PCLO: variants seen among roughly 807,000 people sequenced by gnomAD.
PCLO encodes the protein protein piccolo.
Under a neutral mutation model 427.5 loss-of-function variants are expected in PCLO, and 82 were observed. That is an observed-to-expected ratio of 0.19 (90% CI 0.16 to 0.23). The LOEUF (loss-of-function observed/expected upper bound fraction) is 0.23, where lower values mean the gene tolerates loss of function less well. Among genes scored for constraint, PCLO ranks in the 10% least tolerant of loss-of-function variants. The pLI, the probability that PCLO is intolerant of heterozygous loss-of-function variation, is 1.00. For synonymous variants in PCLO, 2,357 were observed against 2,155.4 expected (o/e 1.09, Z -2.59); for missense variants, 6,239 against 6,115.9 (o/e 1.02, Z -0.67).
rs1252822043 is a variant in PCLO, at chr7:82,755,581, C to T, written c.*2994G>A. 6.6e-6 allele frequency: 1 copy of T among 151,954 alleles called. No homozygotes were observed. The highest frequency in any genetic ancestry group is 2.4e-5 in the African/African-American group (1 of 41,364). The allele number at this position is 151,954 out of a possible 1,614,324, so 9.4% of individuals were successfully genotyped here. ...TGAAATTGTGGGAAAAACTGAGATG[C>T]TCTTCAAGGTAAAAGTGCTGTAATT... On this transcript the variant is annotated 3_prime_UTR_variant, in exon 25 of 25. Coordinates refer to ENST00000333891, the MANE Select transcript of PCLO (RefSeq NM_033026.6).
intron 3 of PCLO, among the ~76,000 whole-genome samples, chr7:83,015,834 T>G (rs753037048): frequency 6.6e-6 from 1 of 152,148 alleles, no homozygotes. Context: ...TTAGAAAAGG[T>G]CCTAGAATGT....
rs577906778 is a variant in PCLO at position 82,873,784 on chromosome 7, C to T, written c.13654+5553G>A. Among the ~76,000 whole-genome samples the T allele has an allele frequency of 9.9e-5, 15 of 151,854 alleles. No homozygotes were observed. In the South Asian group the frequency reaches 2.9e-3, roughly 30 times the overall value. The stretch of plus-strand genomic sequence containing the variant: ...AGAGAAAAATCTCCTCATACTCAGT[C>T]ACTGCACAGGAAGATGGTCCTGTAG... On this transcript the variant is annotated intron_variant, in intron 10 of 24. Coordinates refer to ENST00000333891, the MANE Select transcript of PCLO (RefSeq NM_033026.6).
intron 6 of PCLO, among the ~76,000 whole-genome samples, chr7:82,931,136 A>G (rs1794830375): frequency 6.6e-6 from 1 of 152,172 alleles, no homozygotes; most frequent in Admixed American, 6.6e-5. Context: ...TTTTACTTAT[A>G]TTAACTTATT....
In PCLO at chr7:83,082,136, C is replaced by G. The variant is rs999280716; in HGVS notation, c.3300+52114G>C. On this transcript the variant is annotated intron_variant, in intron 3 of 24. Transcript: ENST00000333891. The stretch of plus-strand genomic sequence containing the variant: ...TACTATACACACACACACACACACG[C>G]ACACACATATGTAAAATCCTCAACA... Among the ~76,000 whole-genome samples, 6 of 151,388 alleles carry G rather than the reference C, an allele frequency of 4.0e-5. 1 individual carries two copies. The highest frequency in any genetic ancestry group is 4.0e-4 in the Admixed American group (6 of 15,146).
At chr7:83,056,303 GTTTACTCTATATTTCACTGGGAGATACT>G (rs1789378151) in intron 3 of PCLO, among the ~76,000 whole-genome samples, 1 of 151,986 alleles carries the variant, frequency 6.6e-6, no homozygotes, top group Non-Finnish European at 1.5e-5. Context: ...ATGTTCTTAG[GTTTACTCTATATTTCACTGGGAGATACT>G]TCTGGATTGA....
intron 17 of PCLO, 81 bp from the exon 18 acceptor site, chr7:82,826,741 A>AT: frequency 2.5e-6 from 2 of 795,348 alleles, no homozygotes; most frequent in Non-Finnish European, 1.9e-6. Flanking sequence ...AGACATATTT[A>AT]TTTTTTTCCT....
chr7:82,927,101 A>G (rs1354695156), intron 6 of PCLO, among the ~76,000 whole-genome samples: 1 of 152,164 alleles, frequency 6.6e-6, no homozygotes, highest in East Asian at 1.9e-4. Context: ...AAAGAGTTCA[A>G]GAGGAGCATT....
intron 3 of PCLO, among the ~76,000 whole-genome samples, chr7:83,038,023 A>ATCTT (rs1439836522): frequency 1.9e-5 from 1 of 52,824 alleles, no homozygotes; most frequent in African/African-American, 1.4e-4. Context: ...ATATATATAT[A>ATCTT]TATATATTTA....
At chr7:82,764,627 T>C (rs972503000) in intron 22 of PCLO, among the ~76,000 whole-genome samples, 5 of 151,962 alleles carry the variant, frequency 3.3e-5, no homozygotes, top group Admixed American at 1.3e-4. Flanking sequence ...ATGGAATCAA[T>C]AAGAGTGCAG....
chr7:82,837,615 C>T (rs1792262027), intron 15 of PCLO, among the ~76,000 whole-genome samples: 1 of 151,956 alleles, frequency 6.6e-6, no homozygotes, highest in Non-Finnish European at 1.5e-5. Flanking sequence ...CTCCAAAGAA[C>T]ACTTGCTTAT....
chr7:82,884,065 G>A (rs1793573952), intron 9 of PCLO, among the ~76,000 whole-genome samples: 1 of 152,066 alleles, frequency 6.6e-6, no homozygotes, highest in Non-Finnish European at 1.5e-5. Flanking sequence ...CACCGCGCCT[G>A]GACTTTTTCT....
At chr7:83,142,561 T>C (rs576868805) in intron 2 of PCLO, among the ~76,000 whole-genome samples, 1 of 152,294 alleles carries the variant, frequency 6.6e-6, no homozygotes, top group East Asian at 1.9e-4. Context: ...TTTCAACTAT[T>C]ACAGTACCAT....
chr7:83,146,892 G>A (rs377539743), intron 2 of PCLO, among the ~76,000 whole-genome samples: 17 of 151,930 alleles, frequency 1.1e-4, no homozygotes, highest in Admixed American at 8.5e-4. Context: ...ATGAGCCACC[G>A]CACCCAGACC....
In PCLO at chr7:83,141,432, T is replaced by C. The variant is rs567768791; in HGVS notation, c.1894-5776A>G. ...AATTCAAGGTGTGAAGATACAACTG[T>C]TTAGTGAGCTACTTAAACTCAATTA... On this transcript the variant is annotated intron_variant, in intron 2 of 24. Transcript: ENST00000333891. Among the ~76,000 whole-genome samples the C allele has an allele frequency of 5.3e-5, 8 of 152,296 alleles. No individual in the cohort carries two copies. In the South Asian group the frequency reaches 1.7e-3, roughly 32 times the overall value.
At chr7:82,872,937 A>G (rs1208155387) in intron 10 of PCLO, among the ~76,000 whole-genome samples, 1 of 152,180 alleles carries the variant, frequency 6.6e-6, no homozygotes. Flanking sequence ...AACGAATCTT[A>G]TATAGTTGTG....
intron 8 of PCLO, among the ~76,000 whole-genome samples, chr7:82,904,729 C>T (rs1038452651): frequency 4.6e-5 from 7 of 151,910 alleles, no homozygotes; most frequent in African/African-American, 1.7e-4. Flanking sequence ...CATCAGGCTT[C>T]CTAATTTTTT....
At chr7:82,977,620 G>T (rs1326660924) in intron 3 of PCLO, among the ~76,000 whole-genome samples, 1 of 151,830 alleles carries the variant, frequency 6.6e-6, no homozygotes, top group African/African-American at 2.4e-5. Flanking sequence ...CACTATGTTG[G>T]CCAGGCTGGT....
In PCLO at chr7:82,955,505, A is replaced by G; in HGVS notation, c.5448T>C (p.Ala1816=). ...TCTTTGGCCTTTCCCTTCTTCTCTG[A>G]GCTCGAAGTTCATCTTTGTCTTTCT... ...KSKKDKDELR[A]QRRRERPKTP... The change falls in exon 5 of 25, where the codon GCT becomes GCC. Residue 1816 remains alanine (A), a synonymous_variant. Coordinates refer to ENST00000333891, the MANE Select transcript of PCLO (RefSeq NM_033026.6). 2 of 1,613,768 alleles carry G rather than the reference A, an allele frequency of 1.2e-6. No individual in the cohort carries two copies. The highest frequency in any genetic ancestry group is 1.7e-6 in the Non-Finnish European group (2 of 1,179,846).
intron 3 of PCLO, among the ~76,000 whole-genome samples, chr7:82,994,193 A>G (rs991231312): frequency 3.3e-5 from 5 of 152,108 alleles, no homozygotes; most frequent in African/African-American, 1.2e-4. Context: ...GAAAATATTA[A>G]TCATTCAATA....
Sources: allele counts gnomAD v4.1 joint callset (sites outside exome capture counted in the v4.1 genomes callset), GRCh38; gene constraint gnomAD v4.1.1; transcripts MANE v1.5; gene names NCBI Gene and HGNC (gene_info 2026-07-23, HGNC 2026-07-21).